The following RASSF6 variants were observed in gnomAD, a reference collection of about 807,000 sequenced individuals.
The protein encoded by RASSF6 is Ras association domain family member 6.
A neutral mutation model predicts 44.0 loss-of-function variants in RASSF6; 52 were observed. The ratio of observed to expected loss-of-function variants is 1.18; its 90% CI spans 0.95 to 1.49. The LOEUF (loss-of-function observed/expected upper bound fraction) is 1.49. Among genes scored for constraint, RASSF6 ranks in the 40% most tolerant of loss-of-function variants. The pLI is 0.00. For missense variants in RASSF6, 464 were observed against 393.3 expected (o/e 1.18, Z -1.52); for synonymous variants, 162 against 124.6 (o/e 1.30, Z -2.00).
chr4:73,605,793 G>T (rs551944170), intron 2 of RASSF6, among the ~76,000 whole-genome samples: 4 of 152,088 alleles, frequency 2.6e-5, no homozygotes, highest in African/African-American at 4.8e-5. Context: ...GTTATTTTTT[G>T]ACTTTTTTAT....
At chr4:73,597,628 C>A (rs988420553) in intron 3 of RASSF6, among the ~76,000 whole-genome samples, 1 of 152,094 alleles carries the variant, frequency 6.6e-6, no homozygotes. Flanking sequence ...TGGGTATATA[C>A]CCAATGGAGA....
At chr4:73,616,221 A>ATATCTATCTATC (rs4019340) in intron 1 of RASSF6, among the ~76,000 whole-genome samples, 75 of 149,022 alleles carry the variant, frequency 5.0e-4, no homozygotes, top group Middle Eastern at 3.5e-3. Context: ...ACATATATCT[A>ATATCTATCTATC]TATCTATCTA....
chr4:73,591,742 G>C lies in RASSF6; in HGVS notation c.287+1709C>G, dbSNP rs574223713. Among the ~76,000 whole-genome samples the C allele has an allele frequency of 8.6e-5, 13 of 151,982 alleles. No individual in the cohort carries two copies. The South Asian group carries it at 2.5e-3, about 29-fold the overall frequency. On this transcript the variant is annotated intron_variant, in intron 4 of 10. Transcript: ENST00000307439. Reference sequence around the variant, plus strand: ...TGGATGGGAGACGAGATAGATAGAGGGACTAAGTAGTGACAACAAAGCAGA... The same window carrying C: ...TGGATGGGAGACGAGATAGATAGAGCGACTAAGTAGTGACAACAAAGCAGA...
At chr4:73,576,537 A>G in intron 9 of RASSF6, 30 bp from the exon 10 acceptor site, 1 of 1,542,300 alleles carries the variant, frequency 6.5e-7, no homozygotes, top group Non-Finnish European at 8.8e-7. Flanking sequence ...AAAAAAAAAG[A>G]AAGCAGAACA....
chr4:73,592,621 G>A (rs562888688), intron 4 of RASSF6, among the ~76,000 whole-genome samples: 1 of 152,300 alleles, frequency 6.6e-6, no homozygotes, highest in Admixed American at 6.5e-5. Flanking sequence ...GCCCACACAA[G>A]GGACTGTTTT....
At chr4:73,583,918 T>A (rs924111280) in intron 6 of RASSF6, among the ~76,000 whole-genome samples, 1 of 152,146 alleles carries the variant, frequency 6.6e-6, no homozygotes, top group African/African-American at 2.4e-5. Context: ...CATTCCGTGC[T>A]GCCAACCTAG....
intron 2 of RASSF6, among the ~76,000 whole-genome samples, chr4:73,606,554 G>A (rs1205204305): frequency 6.6e-6 from 1 of 152,124 alleles, no homozygotes; most frequent in African/African-American, 2.4e-5. Flanking sequence ...CAATTAGGCT[G>A]GTACTTAGCT....
At position 73,576,594 on chromosome 4, in the gene RASSF6, A is replaced by G. The variant is rs925192880; in HGVS notation, c.840+19T>C. ...CAGGAGGGAAGCAAAAAACAGATTC[A>G]GGGTGATGGTATTCATACATCACTG... On this transcript the variant is annotated intron_variant, in intron 9 of 10. Transcript: ENST00000307439. 7.6e-6 allele frequency: 12 copies of G among 1,576,306 alleles called. No individual in the cohort carries two copies. In the East Asian group the frequency reaches 2.7e-4, roughly 35 times the overall value.
intron 4 of RASSF6, among the ~76,000 whole-genome samples, chr4:73,589,713 G>A (rs1724380224): frequency 6.6e-6 from 1 of 152,054 alleles, no homozygotes; most frequent in African/African-American, 2.4e-5. Flanking sequence ...GTTTTCAAGA[G>A]AAAACTGGTT....
chr4:73,604,795 T>A, intron 2 of RASSF6, among the ~76,000 whole-genome samples: 1 of 152,036 alleles, frequency 6.6e-6, no homozygotes, highest in Admixed American at 6.6e-5. Context: ...ATTAAATATG[T>A]AAAGGTAACA....
At chr4:73,587,737 G>C (rs1300412741) in intron 5 of RASSF6, 103 bp downstream of exon 5, 30 of 637,708 alleles carry the variant, frequency 4.7e-5, no homozygotes. Context: ...AGAGTTTATT[G>C]TGTAGTAGTA....
At chr4:73,607,046 C>A (rs1397072521) in intron 2 of RASSF6, among the ~76,000 whole-genome samples, 1 of 152,118 alleles carries the variant, frequency 6.6e-6, no homozygotes, top group African/African-American at 2.4e-5. Flanking sequence ...AGTAATGCTG[C>A]CATGACTTTC....
At chr4:73,614,209 C>T (rs1429770363) in intron 1 of RASSF6, among the ~76,000 whole-genome samples, 1 of 152,222 alleles carries the variant, frequency 6.6e-6, no homozygotes, top group African/African-American at 2.4e-5. Context: ...TCCACTGCTA[C>T]TACCCTAAGC....
At chr4:73,599,387 T>A (rs1725139258) in intron 2 of RASSF6, among the ~76,000 whole-genome samples, 1 of 152,126 alleles carries the variant, frequency 6.6e-6, no homozygotes, top group Non-Finnish European at 1.5e-5. Context: ...GCCAGGAAAG[T>A]TTGTAGGGGA....
chr4:73,594,515 T>A (rs957656686), intron 3 of RASSF6, among the ~76,000 whole-genome samples: 2 of 152,210 alleles, frequency 1.3e-5, no homozygotes, highest in African/African-American at 4.8e-5. Context: ...TGGCTACCTT[T>A]AAACTTGGGC....
chr4:73,578,189 T>C (rs1403695133), intron 8 of RASSF6, among the ~76,000 whole-genome samples: 1 of 152,202 alleles, frequency 6.6e-6, no homozygotes, highest in Non-Finnish European at 1.5e-5. Flanking sequence ...TGTTCGTTCA[T>C]AGGTCCAGCA....
intron 1 of RASSF6, 39 bp downstream of exon 1, chr4:73,620,249 G>A (rs1315483775): frequency 7.6e-7 from 1 of 1,314,658 alleles, no homozygotes; most frequent in Admixed American, 3.5e-5. Flanking sequence ...ACCCCAGGGA[G>A]TGGATTAGAA....
In RASSF6 at chr4:73,593,546, C is replaced by T. The variant is rs781248819; in HGVS notation, c.192G>A (p.Trp64Ter). The T allele has an allele frequency of 4.3e-5, 70 of 1,613,460 alleles. No homozygotes were observed. In the Admixed American group the frequency reaches 1.2e-3, roughly 27 times the overall value. Residue 64 changes from tryptophan (W) to a stop codon, truncating the protein, a stop_gained, in exon 4 of 11, where the codon TGG (tryptophan) becomes TGA (stop). Transcript: ENST00000307439. LOFTEE classifies it high-confidence loss of function. ...LIVEGMLDIF[W>*]GVKRPIQLKI... ...TTAGCTGTATAGGTCGTTTTACTCC[C>T]CAGAAAATGTCCAGCATTCCTTCAA...
chr4:73,611,932 G>A, intron 1 of RASSF6, 103 bp from the exon 2 acceptor site: 1 of 663,548 alleles, frequency 1.5e-6, no homozygotes, highest in Non-Finnish European at 2.5e-6. Context: ...GTATAAGAAG[G>A]TTTTAGAAAG....
Sources: allele counts gnomAD v4.1 joint callset (sites outside exome capture counted in the v4.1 genomes callset), GRCh38; gene constraint gnomAD v4.1.1; transcripts MANE v1.5; gene names NCBI Gene and HGNC (gene_info 2026-07-23, HGNC 2026-07-21).